The following KDM4C variants were observed in gnomAD, a reference collection of about 807,000 sequenced individuals.
KDM4C encodes the protein lysine-specific demethylase 4C.
KDM4C carries 81 observed loss-of-function variants against 129.3 expected under a neutral mutation model. The observed-to-expected ratio is 0.63, with a 90% CI of 0.52 to 0.75. KDM4C has a LOEUF of 0.75. Ranked by LOEUF, KDM4C falls within the 30% of genes least tolerant of loss-of-function variation. KDM4C has a pLI of 0.00. For missense variants in KDM4C, 1,457 were observed against 1,304.0 expected, an observed-to-expected ratio of 1.12 and a Z score of -1.81; for synonymous variants, 573 against 456.1, an observed-to-expected ratio of 1.26 and a Z score of -3.26.
At chr9:6,742,258 C>T (rs1563921723) in intron 1 of KDM4C, among the ~76,000 whole-genome samples, 1 of 152,174 alleles carries the variant, frequency 6.6e-6, no homozygotes, top group African/African-American at 2.4e-5. Context: ...TCGTCATCCG[C>T]CCGCCTTGGC....
At chr9:6,798,016 C>T (rs1164191547) in intron 2 of KDM4C, among the ~76,000 whole-genome samples, 6 of 152,060 alleles carry the variant, frequency 3.9e-5, no homozygotes, top group Non-Finnish European at 7.4e-5. Flanking sequence ...TTGTGTTTCC[C>T]TATGCAAGAA....
At chr9:6,812,412 T>G (rs886281111) in intron 3 of KDM4C, among the ~76,000 whole-genome samples, 6 of 152,126 alleles carry the variant, frequency 3.9e-5, no homozygotes, top group African/African-American at 7.2e-5. Context: ...GGGGCAGTGG[T>G]CCCCAACCTT....
At chr9:6,776,320 G>A (rs1340188447) in intron 1 of KDM4C, among the ~76,000 whole-genome samples, 2 of 152,134 alleles carry the variant, frequency 1.3e-5, no homozygotes, top group African/African-American at 4.8e-5. Context: ...CTGGAGTGCA[G>A]TGGCACGATC....
rs1215151340 is a variant in KDM4C, at chr9:7,170,620, T to G, written c.2994+730T>G. On this transcript the variant is annotated intron_variant, in intron 21 of 21. Coordinates refer to ENST00000381309, the MANE Select transcript of KDM4C (RefSeq NM_015061.6). ...CCTGAAATGAAGTCAGTTTTATTCATTTAGAATTATATCTATTGTGTCTGT... is the reference window on the plus strand; with the variant it reads ...CCTGAAATGAAGTCAGTTTTATTCAGTTAGAATTATATCTATTGTGTCTGT... 5.2e-6 allele frequency: 5 copies of G among 955,164 alleles called. No individual in the cohort carries two copies. In the African/African-American group the frequency reaches 8.8e-5, roughly 17 times the overall value. The allele number at this position is 955,164 out of a possible 1,614,324, so 59.2% of individuals were successfully genotyped here.
At chr9:6,970,059 A>C (rs1008546257) in intron 8 of KDM4C, among the ~76,000 whole-genome samples, 16 of 152,202 alleles carry the variant, frequency 1.1e-4, no homozygotes, top group Non-Finnish European at 1.3e-4. Flanking sequence ...ATGTTTGGCC[A>C]GTCTAGCTTC....
chr9:6,961,469 G>T (rs1382338875), intron 8 of KDM4C, among the ~76,000 whole-genome samples: 1 of 152,120 alleles, frequency 6.6e-6, no homozygotes, highest in African/African-American at 2.4e-5. Context: ...TGTATAAACT[G>T]TCAGAAAATG....
chr9:7,111,884 T>G (rs1375266897), intron 18 of KDM4C, among the ~76,000 whole-genome samples: 1 of 152,190 alleles, frequency 6.6e-6, no homozygotes, highest in Non-Finnish European at 1.5e-5. Context: ...AACAAGGATC[T>G]GTTTTTAGGG....
chr9:7,009,785 C>T (rs1415777588), intron 12 of KDM4C, among the ~76,000 whole-genome samples: 1 of 152,172 alleles, frequency 6.6e-6, no homozygotes, highest in Non-Finnish European at 1.5e-5. Context: ...TCTTTCAATT[C>T]CACTTGACTC....
intron 15 of KDM4C, among the ~76,000 whole-genome samples, chr9:7,041,130 C>G (rs1345096031): frequency 6.6e-6 from 1 of 151,488 alleles, no homozygotes; most frequent in Non-Finnish European, 1.5e-5. Flanking sequence ...GTGGATTCAA[C>G]CAACTGTGGA....
intron 4 of KDM4C, among the ~76,000 whole-genome samples, chr9:6,846,131 G>T (rs527944375): frequency 1.3e-4 from 20 of 152,294 alleles, no homozygotes; most frequent in Middle Eastern, 3.4e-3. Flanking sequence ...CTGAACCTCA[G>T]ATCTTTGTTG....
At chr9:6,788,518 C>G (rs1195557912) in intron 1 of KDM4C, among the ~76,000 whole-genome samples, 1 of 152,206 alleles carries the variant, frequency 6.6e-6, no homozygotes, top group Non-Finnish European at 1.5e-5. Flanking sequence ...AATCTGTTTT[C>G]TAAGTAACTT....
chr9:6,834,801 G>A lies in KDM4C; in HGVS notation c.436-14706G>A, dbSNP rs878904589. The A allele has an allele frequency of 4.2e-5, 58 of 1,365,628 alleles. 2 individuals carry two copies. The highest frequency in any genetic ancestry group is 2.4e-4 in the African/African-American group (17 of 69,884). 84.6% of individuals were successfully genotyped at this position (1,365,628 alleles called of 1,614,324 possible). ...GCCCCCCTGAACCCCAAGGCCAGCC[G>A]CGAGAAGATGACCCAGATCATGTTT... is the stretch of plus-strand genomic sequence containing the variant. On this transcript the variant is annotated intron_variant, in intron 4 of 21. Transcript: ENST00000381309.
chr9:6,874,739 G>A (rs952063888), intron 5 of KDM4C, among the ~76,000 whole-genome samples: 5 of 152,092 alleles, frequency 3.3e-5, no homozygotes, highest in Admixed American at 6.5e-5. Context: ...CTCTGGGTAA[G>A]ACCCAGGAGG....
intron 8 of KDM4C, among the ~76,000 whole-genome samples, chr9:6,961,147 C>G (rs1397347083): frequency 6.6e-6 from 1 of 152,116 alleles, no homozygotes; most frequent in African/African-American, 2.4e-5. Flanking sequence ...AAACATTTGA[C>G]AAAATTTATT....
intron 19 of KDM4C, among the ~76,000 whole-genome samples, chr9:7,149,353 G>T (rs911802686): frequency 1.3e-5 from 2 of 152,240 alleles, no homozygotes; most frequent in Non-Finnish European, 2.9e-5. Context: ...GGGAGTGGAA[G>T]CAGGCACTTC....
At chr9:6,909,422 A>G (rs1307648596) in intron 8 of KDM4C, among the ~76,000 whole-genome samples, 7 of 152,158 alleles carry the variant, frequency 4.6e-5, no homozygotes, top group Non-Finnish European at 1.0e-4. Context: ...TGACCATCTG[A>G]TCTAGCACAT....
rs769618577 is a variant in KDM4C, at chr9:7,103,865, A to G, written c.2605A>G (p.Asn869Asp). The G allele has an allele frequency of 3.1e-6, 5 of 1,613,602 alleles. No individual in the cohort carries two copies. Among genetic ancestry groups the G allele is most frequent in the Non-Finnish European group, 4.2e-6 (5 of 1,179,760 alleles). Residue 869 changes from asparagine (N) to aspartate (D), a missense_variant, in exon 18 of 22, where the codon AAC becomes GAC. Asn to Asp is a conservative substitution (Grantham distance 23). Coordinates refer to ENST00000381309, the MANE Select transcript of KDM4C (RefSeq NM_015061.6). Reference sequence around the variant, plus strand: ...ATGCTTTCGACATAAGGTCAACCCCAACGTGGTAAGATGTGCCCTCCCTTC... The same window carrying G: ...ATGCTTTCGACATAAGGTCAACCCCGACGTGGTAAGATGTGCCCTCCCTTC... ...ITCFRHKVNP[N>D]VKSKACEKVI...
chr9:7,031,422 A>C (rs1357359247), intron 15 of KDM4C, among the ~76,000 whole-genome samples: 1 of 152,100 alleles, frequency 6.6e-6, no homozygotes, highest in East Asian at 1.9e-4. Flanking sequence ...TGGCCTCCCA[A>C]AGTGCTGGGA....
At chr9:7,082,418 C>T (rs1043353127) in intron 17 of KDM4C, among the ~76,000 whole-genome samples, 2 of 152,274 alleles carry the variant, frequency 1.3e-5, no homozygotes, top group South Asian at 2.1e-4. Flanking sequence ...GGTGAAGGCA[C>T]CCCGTTAAGA....
Sources: allele counts gnomAD v4.1 joint callset (sites outside exome capture counted in the v4.1 genomes callset), GRCh38; gene constraint gnomAD v4.1.1; transcripts MANE v1.5; gene names NCBI Gene and HGNC (gene_info 2026-07-23, HGNC 2026-07-21).